Variants in UQCC1 observed in about 807,000 individuals in gnomAD.
UQCC1 encodes the protein ubiquinol-cytochrome c reductase complex assembly factor 1.
UQCC1 carries 38 observed loss-of-function variants against 48.0 expected under a neutral mutation model. That is an observed-to-expected ratio of 0.79 (90% CI 0.61 to 1.04). The LOEUF is 1.04. UQCC1 is among the 50% of genes least tolerant of loss of function. UQCC1 has a pLI of 0.00. For synonymous variants in UQCC1, 111 were observed against 129.2 expected, an observed-to-expected ratio of 0.86 and a Z score of 0.95; for missense variants, 368 against 381.8, an observed-to-expected ratio of 0.96 and a Z score of 0.30.
At chr20:35,363,502 C>T (rs2061631473) in intron 6 of UQCC1, among the ~76,000 whole-genome samples, 1 of 152,070 alleles carries the variant, frequency 6.6e-6, no homozygotes, top group Non-Finnish European at 1.5e-5. Flanking sequence ...GTCCTAAATC[C>T]TAAACCACAG....
chr20:35,397,206 A>T (rs1164245852), intron 1 of UQCC1, among the ~76,000 whole-genome samples: 2 of 151,460 alleles, frequency 1.3e-5, no homozygotes, highest in Non-Finnish European at 2.9e-5. Flanking sequence ...GTCTCAAAAA[A>T]AAAAGAAAAA....
chr20:35,388,567 T>A (rs1416264579), intron 2 of UQCC1, among the ~76,000 whole-genome samples: 2 of 152,148 alleles, frequency 1.3e-5, no homozygotes, highest in Non-Finnish European at 2.9e-5. Context: ...CATGAGCCAC[T>A]GTGCCCGGAC....
At chr20:35,352,914 G>C (rs563397486) in intron 6 of UQCC1, among the ~76,000 whole-genome samples, 2 of 151,984 alleles carry the variant, frequency 1.3e-5, no homozygotes, top group East Asian at 3.9e-4. Flanking sequence ...CGAATTCCTG[G>C]GCTCAAGTGA....
At chr20:35,403,348 G>T (rs1431147573) in intron 1 of UQCC1, among the ~76,000 whole-genome samples, 1 of 152,052 alleles carries the variant, frequency 6.6e-6, no homozygotes, top group Non-Finnish European at 1.5e-5. Context: ...TGTATATATA[G>T]ACATATATAT....
chr20:35,311,093 G>A (rs1179891576), intron 8 of UQCC1, among the ~76,000 whole-genome samples: 1 of 152,058 alleles, frequency 6.6e-6, no homozygotes, highest in Non-Finnish European at 1.5e-5. Context: ...CCCTAAAGCT[G>A]ACCAAGACTC....
At chr20:35,354,674 C>T (rs1600931567) in intron 6 of UQCC1, among the ~76,000 whole-genome samples, 1 of 151,152 alleles carries the variant, frequency 6.6e-6, no homozygotes, top group African/African-American at 2.4e-5. Context: ...GGATTACAGG[C>T]GTGAGCCACC....
At chr20:35,376,716 G>C (rs1450926319) in intron 4 of UQCC1, among the ~76,000 whole-genome samples, 1 of 152,162 alleles carries the variant, frequency 6.6e-6, no homozygotes, top group East Asian at 1.9e-4. Context: ...TGTAATCCCA[G>C]CACTTTGAGA....
intron 2 of UQCC1, among the ~76,000 whole-genome samples, chr20:35,393,822 C>T (rs189683333): frequency 1.3e-5 from 2 of 151,976 alleles, no homozygotes; most frequent in Admixed American, 6.6e-5. Context: ...AAGGTTAACT[C>T]GGAGATGAAT....
At chr20:35,338,874 A>ATAT (rs1568666053) in intron 7 of UQCC1, among the ~76,000 whole-genome samples, 8 of 58,430 alleles carry the variant, frequency 1.4e-4, no homozygotes, top group Admixed American at 2.9e-4. Flanking sequence ...AAAAAAAAAA[A>ATAT]AAAAAAAAAA....
intron 7 of UQCC1, among the ~76,000 whole-genome samples, chr20:35,337,442 C>T (rs1419445200): frequency 6.6e-6 from 1 of 152,186 alleles, no homozygotes; most frequent in African/African-American, 2.4e-5. Flanking sequence ...TCGCCTCGGC[C>T]TCCCAAAGTG....
At chr20:35,350,067 GA>G (rs1289582978) in intron 6 of UQCC1, among the ~76,000 whole-genome samples, 3 of 152,128 alleles carry the variant, frequency 2.0e-5, no homozygotes, top group Non-Finnish European at 4.4e-5. Context: ...CATAGAGGGA[GA>G]AAGATATAAT....
chr20:35,382,756 C>T (rs1005752024), intron 3 of UQCC1, among the ~76,000 whole-genome samples: 2 of 150,870 alleles, frequency 1.3e-5, no homozygotes, highest in Non-Finnish European at 3.0e-5. Flanking sequence ...ATGATCTGCC[C>T]GCCTCGGCCT....
intron 4 of UQCC1, among the ~76,000 whole-genome samples, chr20:35,380,378 T>C (rs1056930335): frequency 1.3e-5 from 2 of 152,198 alleles, no homozygotes; most frequent in African/African-American, 4.8e-5. Flanking sequence ...TTGTCAGTAT[T>C]TGTGTTCTTT....
chr20:35,384,662 A>G (rs78396508), intron 2 of UQCC1: 44 of 403,902 alleles, frequency 1.1e-4, no homozygotes, highest in African/African-American at 2.0e-4. Flanking sequence ...AAAAAAAAAA[A>G]AGAGAGAGAG....
At chr20:35,381,881 C>A in intron 4 of UQCC1, 37 bp downstream of exon 4, 1 of 1,277,732 alleles carries the variant, frequency 7.8e-7, no homozygotes, top group South Asian at 1.3e-5. Context: ...AGCACAATGC[C>A]CAAAAGGAAA....
intron 3 of UQCC1, among the ~76,000 whole-genome samples, chr20:35,382,512 CTTTTT>C (rs1162371421): frequency 1.8e-5 from 2 of 108,284 alleles, no homozygotes; most frequent in Non-Finnish European, 3.7e-5. Flanking sequence ...TTTCTTTTTT[CTTTTT>C]TTTTTTTTTT....
chr20:35,331,158 G>C (rs1451086851), intron 7 of UQCC1, among the ~76,000 whole-genome samples: 1 of 152,072 alleles, frequency 6.6e-6, no homozygotes, highest in African/African-American at 2.4e-5. Context: ...CCTGCTCAGC[G>C]CTTAACAGGA....
intron 7 of UQCC1, among the ~76,000 whole-genome samples, chr20:35,338,524 G>A (rs939552916): frequency 1.6e-4 from 24 of 151,944 alleles, no homozygotes; most frequent in Non-Finnish European, 5.9e-5. Context: ...GAAATGAGAG[G>A]GTAGAACCTT....
chr20:35,321,283 T>TGTGC (rs1389196330), intron 7 of UQCC1, among the ~76,000 whole-genome samples: 273 of 141,578 alleles, frequency 1.9e-3, no homozygotes, highest in African/African-American at 5.9e-3. Context: ...TGTGTGTGTG[T>TGTGC]GCGCGCGCGC....
Sources: allele counts gnomAD v4.1 joint callset (sites outside exome capture counted in the v4.1 genomes callset), GRCh38; gene constraint gnomAD v4.1.1; transcripts MANE v1.5; gene names NCBI Gene and HGNC (gene_info 2026-07-23, HGNC 2026-07-21).